The following MGST1 variants were observed in gnomAD, a reference collection of about 807,000 sequenced individuals.
MGST1 encodes glutathione S-transferase 12.
MGST1 carries 5 observed loss-of-function variants against 8.9 expected under a neutral mutation model. That is an observed-to-expected ratio of 0.56 (90% CI 0.29 to 1.19). The LOEUF (loss-of-function observed/expected upper bound fraction) is 1.19. Among genes scored for constraint, MGST1 ranks in the 50% most tolerant of loss-of-function variants. The pLI is 0.08. For synonymous variants in MGST1, 54 were observed against 67.8 expected (o/e 0.80, Z 1.00); for missense variants, 182 against 187.4 (o/e 0.97, Z 0.17).
At chr12:16,395,312 T>A (rs1001593222) in intron 1 of MGST1, among the ~76,000 whole-genome samples, 1 of 152,156 alleles carries the variant, frequency 6.6e-6, no homozygotes, top group African/African-American at 2.4e-5. Context: ...TCCATATATG[T>A]CCGTGTACTT....
At chr12:16,589,627 A>G (rs1050158121), downstream of MGST1, 1 of 152,138 alleles carries the variant, frequency 6.6e-6, no homozygotes, top group Non-Finnish European at 1.5e-5. The surrounding 1 kb of genome is among the most constrained non-coding windows in gnomAD (Gnocchi z 4.2). Flanking sequence ...GGTTTGTTTA[A>G]TAACTATCAC....
At chr12:16,459,525 C>A (rs1023825940) in intron 4 of MGST1, among the ~76,000 whole-genome samples, 1 of 152,146 alleles carries the variant, frequency 6.6e-6, no homozygotes, top group African/African-American at 2.4e-5. Context: ...ATCCTGCAGC[C>A]CTTTATTATT....
intron 4 of MGST1, among the ~76,000 whole-genome samples, chr12:16,529,895 ACT>A (rs1176219434): frequency 6.6e-6 from 1 of 152,000 alleles, no homozygotes; most frequent in Non-Finnish European, 1.5e-5. Flanking sequence ...TATGAAAAAG[ACT>A]CTTTGGCATA....
In MGST1 at chr12:16,401,078, C is replaced by G. The variant is rs1940651510; in HGVS notation, n.778+17474C>G. 3 of 1,593,814 alleles carry G rather than the reference C, an allele frequency of 1.9e-6. No homozygotes were observed. The East Asian group carries it at 6.7e-5, about 36-fold the overall frequency. On this transcript the variant is annotated intron_variant and non_coding_transcript_variant, in intron 1 of 1. Coordinates refer to the MGST1 transcript ENST00000359720. This position sits in a 1 kb window ranked among gnomAD's most constrained non-coding sequence, Gnocchi z 4.3. ...GCCCGAGAACCTCTTCCCAAAAGGT[C>G]CTCTGCCTCATCTTTCTCCTCCTCC...
At chr12:16,400,514 C>G (rs1409907745) in intron 1 of MGST1, 2 of 831,382 alleles carry the variant, frequency 2.4e-6, no homozygotes, top group Non-Finnish European at 4.3e-6. Context: ...TTCTCTTTCT[C>G]TTCAGCTTCT....
intron 4 of MGST1, chr12:16,549,379 A>G (rs1776776294): frequency 6.6e-6 from 1 of 152,506 alleles, no homozygotes. Flanking sequence ...GCATTTGGAA[A>G]AATACATATC....
intron 4 of MGST1, among the ~76,000 whole-genome samples, chr12:16,449,512 A>T (rs1941112132): frequency 6.6e-6 from 1 of 151,968 alleles, no homozygotes; most frequent in African/African-American, 2.4e-5. Context: ...ATACATGTCC[A>T]GGTGGATATG....
downstream of MGST1, among the ~76,000 whole-genome samples, chr12:16,381,713 A>G (rs1176665654): frequency 1.3e-5 from 2 of 152,134 alleles, no homozygotes; most frequent in African/African-American, 4.8e-5. Flanking sequence ...GTTCTCCTGG[A>G]TAATATCCTG....
intron 1 of MGST1, among the ~76,000 whole-genome samples, chr12:16,351,653 T>A (rs544053574): frequency 1.3e-5 from 2 of 151,904 alleles, no homozygotes; most frequent in African/African-American, 4.8e-5. Flanking sequence ...TTACTAAAAA[T>A]ACAAAAATTA....
At chr12:16,523,693 C>T (rs116107990) in intron 4 of MGST1, among the ~76,000 whole-genome samples, 89 of 152,056 alleles carry the variant, frequency 5.9e-4, no homozygotes, top group African/African-American at 1.9e-3. Context: ...TTGGAAAAAG[C>T]CCAAAATTAT....
rs117837293 is a variant in MGST1, at chr12:16,389,325, A to G, written n.778+5721A>G. Among the ~76,000 whole-genome samples the G allele has an allele frequency of 1.3e-3, 191 of 152,354 alleles. 3 individuals carry two copies. In the East Asian group the frequency reaches 0.031, roughly 25 times the overall value. On this transcript the variant is annotated intron_variant and non_coding_transcript_variant, in intron 1 of 1. Transcript: ENST00000359720. The surrounding 1 kb of genome is among the most constrained non-coding windows in gnomAD (Gnocchi z 4.6). Reference sequence around the variant, plus strand: ...CAGTTATTTGTAATGCAAGAGCACAACTTGCCTAAAAATAATGTTGAGAAT... The same window carrying G: ...CAGTTATTTGTAATGCAAGAGCACAGCTTGCCTAAAAATAATGTTGAGAAT...
chr12:16,433,655 T>A (rs1474272156), intron 1 of MGST1, among the ~76,000 whole-genome samples: 1 of 152,104 alleles, frequency 6.6e-6, no homozygotes, highest in Non-Finnish European at 1.5e-5. Flanking sequence ...AATATTAATT[T>A]CATCCAAATA....
chr12:16,365,739 A>G (rs1024836), downstream of MGST1, among the ~76,000 whole-genome samples: 75,613 of 142,914 alleles, frequency 0.53, 19,282 homozygotes, highest in East Asian at 0.78. Context: ...GCACGCGTGC[A>G]CGCGCACACA....
rs563190277 is a variant in MGST1, at chr12:16,461,152, T to C, written n.482+77548T>C. ...GAGGATAATGGGTTATTTCAATAAATTGGAATATTGGAAAAGAATGCCCAA... is the reference window on the plus strand; with the variant it reads ...GAGGATAATGGGTTATTTCAATAAACTGGAATATTGGAAAAGAATGCCCAA... On this transcript the variant is annotated intron_variant and non_coding_transcript_variant, in intron 4 of 4. Coordinates refer to the MGST1 transcript ENST00000538857. 2.3e-5 allele frequency among the ~76,000 whole-genome samples: 3 copies of C among 132,948 alleles called. No individual in the cohort carries two copies. In the South Asian group the frequency reaches 8.1e-4, roughly 36 times the overall value. The allele number at this position is 132,948 out of a possible 152,430, so 87.2% of individuals were successfully genotyped here.
At chr12:16,504,058 C>T (rs903501089) in intron 4 of MGST1, among the ~76,000 whole-genome samples, 1 of 152,176 alleles carries the variant, frequency 6.6e-6, no homozygotes, top group Non-Finnish European at 1.5e-5. Context: ...GACTAAGCCT[C>T]AATTTTGGGG....
At chr12:16,465,939 C>T (rs1941251602) in intron 4 of MGST1, among the ~76,000 whole-genome samples, 1 of 152,068 alleles carries the variant, frequency 6.6e-6, no homozygotes, top group Admixed American at 6.5e-5. Context: ...GACCATTGTC[C>T]CTTTGGCCCT....
At chr12:16,438,007 T>C (rs1202934920) in exon 2 of MGST1, 1 of 151,878 alleles carries the variant, frequency 6.6e-6, no homozygotes, top group Non-Finnish European at 1.5e-5. Flanking sequence ...GGACAGTAAA[T>C]TTTTTTAAAA....
intron 4 of MGST1, among the ~76,000 whole-genome samples, chr12:16,521,845 G>A (rs1169410180): frequency 6.6e-6 from 1 of 151,996 alleles, no homozygotes; most frequent in East Asian, 1.9e-4. Context: ...ATGCTCCTCT[G>A]CTTTTAAAAT....
chr12:16,481,624 A>C (rs979235860), intron 4 of MGST1, among the ~76,000 whole-genome samples: 11 of 152,314 alleles, frequency 7.2e-5, no homozygotes, highest in African/African-American at 2.6e-4. Context: ...TAGATGAGTC[A>C]AGGAGTAGAT....
Sources: allele counts gnomAD v4.1 joint callset (sites outside exome capture counted in the v4.1 genomes callset), GRCh38; gene constraint gnomAD v4.1.1; non-coding constraint Gnocchi (gnomAD v3.1); transcripts MANE v1.5; gene names NCBI Gene and HGNC (gene_info 2026-07-23, HGNC 2026-07-21).